Variants in RTN3 observed in about 807,000 individuals in gnomAD.
RTN3 encodes the protein reticulon-3.
In RTN3, 49 loss-of-function variants were observed where a neutral mutation model predicts 77.8. That is an observed-to-expected ratio of 0.63 (90% CI 0.50 to 0.80). The LOEUF is 0.80. Among genes scored for constraint, RTN3 ranks in the 30% least tolerant of loss-of-function variants. RTN3 has a pLI of 0.00. For synonymous variants in RTN3, 464 were observed against 446.9 expected (o/e 1.04, Z -0.48); for missense variants, 1,236 against 1,211.9 (o/e 1.02, Z -0.29).
intron 1 of RTN3, among the ~76,000 whole-genome samples, chr11:63,702,963 G>A (rs930627002): frequency 2.0e-5 from 3 of 152,098 alleles, no homozygotes; most frequent in Admixed American, 2.0e-4. Flanking sequence ...GGGATTACAG[G>A]TGTGAGCCAC....
intron 1 of RTN3, among the ~76,000 whole-genome samples, chr11:63,688,286 C>T (rs1175952042): frequency 2.8e-5 from 4 of 143,602 alleles, no homozygotes; most frequent in Admixed American, 7.3e-5. Flanking sequence ...TGCAGTGGTG[C>T]GATCTCAGCT....
intron 1 of RTN3, among the ~76,000 whole-genome samples, chr11:63,701,577 C>T (rs1420786098): frequency 6.6e-6 from 1 of 152,008 alleles, no homozygotes; most frequent in African/African-American, 2.4e-5. Flanking sequence ...AGGAAGCTTC[C>T]AATCATGCAG....
chr11:63,747,878 A>AAT (rs1447820366), intron 3 of RTN3, among the ~76,000 whole-genome samples: 5 of 152,194 alleles, frequency 3.3e-5, no homozygotes, highest in African/African-American at 1.2e-4. Flanking sequence ...AGGTTAAAGT[A>AAT]ATATAGTGAG....
intron 3 of RTN3, among the ~76,000 whole-genome samples, chr11:63,731,101 GAC>G (rs1273593775): frequency 1.3e-5 from 2 of 151,538 alleles, no homozygotes; most frequent in Non-Finnish European, 2.9e-5. Flanking sequence ...ATTTATTGGA[GAC>G]ACAGTTTCAC....
chr11:63,690,526 C>T (rs550723235), intron 1 of RTN3, among the ~76,000 whole-genome samples: 2 of 152,264 alleles, frequency 1.3e-5, no homozygotes, highest in East Asian at 3.9e-4. Flanking sequence ...ATATAACCCC[C>T]TTCTTACAGA....
intron 2 of RTN3, chr11:63,714,553 C>G (rs2011288096): frequency 6.6e-6 from 1 of 151,400 alleles, no homozygotes; most frequent in Non-Finnish European, 1.5e-5. Flanking sequence ...CACTCTGTCA[C>G]CCAAGCTGGA....
At chr11:63,735,550 T>TTCCCTCTC (rs2013034094) in intron 3 of RTN3, among the ~76,000 whole-genome samples, 5 of 42,686 alleles carry the variant, frequency 1.2e-4, no homozygotes, top group South Asian at 1.5e-3. Context: ...ATTCTAACAT[T>TTCCCTCTC]TCTCTCTCTC....
Position 63,758,698 on chromosome 11 carries a change from T to C in RTN3, c.*497T>C, listed in dbSNP as rs2014515041. On this transcript the variant is annotated 3_prime_UTR_variant, in exon 9 of 9. Transcript: ENST00000377819. ...CAAATCCTATCTTCCTGCCCCACAA[T>C]GTGAGCAGCTACCCCTGATACTCCT... 7.4e-6 allele frequency: 2 copies of C among 268,898 alleles called. No homozygotes were observed. Among genetic ancestry groups the C allele is most frequent in the East Asian group, 1.3e-4 (2 of 14,956 alleles). 16.7% of individuals were successfully genotyped at this position (268,898 alleles called of 1,614,324 possible). A position where few individuals can be genotyped will look rare whatever the true frequency, so the allele number is the denominator to read the frequency against.
chr11:63,731,282 G>A (rs532866497), intron 3 of RTN3, among the ~76,000 whole-genome samples: 2 of 152,072 alleles, frequency 1.3e-5, no homozygotes, highest in Non-Finnish European at 2.9e-5. Context: ...GTTTCACCAT[G>A]TTTGCCAGGT....
chr11:63,703,726 T>C (rs1444383750), intron 1 of RTN3, among the ~76,000 whole-genome samples: 1 of 151,428 alleles, frequency 6.6e-6, no homozygotes, highest in Non-Finnish European at 1.5e-5. Flanking sequence ...GTATTTTTCA[T>C]AGAGACGGGG....
In RTN3 at chr11:63,752,607, C is replaced by T. The variant is rs754166428; in HGVS notation, c.2839C>T (p.Arg947Cys). The T allele has an allele frequency of 1.9e-6, 3 of 1,613,852 alleles. No individual in the cohort carries two copies. Among genetic ancestry groups the T allele is most frequent in the Admixed American group, 3.3e-5 (2 of 59,986 alleles). ...HINRALKLII[R>C]LFLVEDLVDS... is the part of the protein sequence containing the mutation. Reference sequence around the variant, plus strand: ...CAACAGGGCCCTGAAACTCATTATTCGTCTCTTTCTGGTAGAAGATCTGGT... The same window carrying T: ...CAACAGGGCCCTGAAACTCATTATTTGTCTCTTTCTGGTAGAAGATCTGGT... Residue 947 changes from arginine to cysteine, a missense_variant, in exon 5 of 9, where the codon CGT (arginine) becomes TGT (cysteine). By Grantham distance (180) the Arg-to-Cys change is radical (BLOSUM62 -3). Transcript: ENST00000377819.
intron 3 of RTN3, among the ~76,000 whole-genome samples, chr11:63,732,566 T>G (rs770113975): frequency 6.6e-6 from 1 of 151,628 alleles, no homozygotes; most frequent in African/African-American, 2.4e-5. Flanking sequence ...CCTACAGATA[T>G]TAAAAGAACA....
intron 1 of RTN3, among the ~76,000 whole-genome samples, chr11:63,690,919 G>A (rs189376416): frequency 6.6e-6 from 1 of 151,992 alleles, no homozygotes; most frequent in African/African-American, 2.4e-5. Flanking sequence ...TTTTAAGGTG[G>A]GTTTTAGTGT....
At chr11:63,735,572 CTCTCTCTCTCTCT>C (rs2013049584) in intron 3 of RTN3, among the ~76,000 whole-genome samples, 1 of 146,428 alleles carries the variant, frequency 6.8e-6, no homozygotes, top group Non-Finnish European at 1.5e-5. Context: ...CTCTCTCTCT[CTCTCTCTCTCTCT>C]CTCTCTCTCT....
chr11:63,746,815 T>C (rs979558714), intron 3 of RTN3: 2 of 368,874 alleles, frequency 5.4e-6, no homozygotes, highest in African/African-American at 4.2e-5. Context: ...CACCCGGCTG[T>C]TAAGGAAATT....
chr11:63,704,683 G>T (rs1292498283), intron 1 of RTN3, among the ~76,000 whole-genome samples, 168 bp from the exon 2 acceptor site: 1 of 151,876 alleles, frequency 6.6e-6, no homozygotes, highest in Non-Finnish European at 1.5e-5. Context: ...ATAAGGTTTT[G>T]CTACCAGGTG....
intron 1 of RTN3, among the ~76,000 whole-genome samples, chr11:63,693,492 A>G (rs1478618028): frequency 1.3e-5 from 2 of 152,188 alleles, no homozygotes; most frequent in African/African-American, 4.8e-5. Flanking sequence ...CTCAAAAAAA[A>G]AAAGTATTGC....
At chr11:63,740,454 T>C (rs2013396695) in intron 3 of RTN3, among the ~76,000 whole-genome samples, 1 of 148,252 alleles carries the variant, frequency 6.7e-6, no homozygotes, top group Non-Finnish European at 1.5e-5. Flanking sequence ...GCTAATTTTT[T>C]TTTTTTTTTT....
intron 3 of RTN3, among the ~76,000 whole-genome samples, chr11:63,730,446 T>G (rs779476280): frequency 6.6e-6 from 1 of 152,248 alleles, no homozygotes; most frequent in Non-Finnish European, 1.5e-5. Flanking sequence ...TTGACAGTTA[T>G]AAGTGTGTAT....
Sources: gnomAD v4.1 joint callset for allele counts (sites outside exome capture counted in the v4.1 genomes callset) on GRCh38, gnomAD v4.1.1 for gene constraint, MANE v1.5 for transcripts, NCBI Gene and HGNC (gene_info 2026-07-23, HGNC 2026-07-21) for gene names.